The following PCDHGA8 variants were observed in gnomAD, a reference collection of about 807,000 sequenced individuals.
The protein encoded by PCDHGA8 is protocadherin gamma-A8.
In PCDHGA8, 45 loss-of-function variants were observed where a neutral mutation model predicts 59.2. The observed-to-expected ratio is 0.76, with a 90% confidence interval of 0.60 to 0.98. PCDHGA8 has a LOEUF of 0.98. Among genes scored for constraint, PCDHGA8 ranks in the 50% least tolerant of loss-of-function variants. The pLI is 0.00. For missense variants in PCDHGA8, 1,257 were observed against 1,196.2 expected (o/e 1.05, Z -0.75); for synonymous variants, 531 against 519.0 (o/e 1.02, Z -0.32).
At chr5:141,443,029 C>T (rs1281303741) in intron 1 of PCDHGA8, among the ~76,000 whole-genome samples, 3 of 152,192 alleles carry the variant, frequency 2.0e-5, no homozygotes, top group Non-Finnish European at 2.9e-5. Flanking sequence ...AGTTGCCAGA[C>T]CTAAACTTTG....
rs1018384314 is a variant in PCDHGA8 at position 141,490,427 on chromosome 5, A to G, written c.2425-4380A>G. On this transcript the variant is annotated intron_variant, in intron 1 of 3. Coordinates refer to ENST00000398604, the MANE Select transcript of PCDHGA8 (RefSeq NM_032088.2). This position sits in a 1 kb window ranked among gnomAD's most constrained non-coding sequence, Gnocchi z 5.4. ...GATATCTCTCCGGACCTGCCATTTCAGATTAAGCCTTCTGAGAACCACTAC... is the reference window on the plus strand; with the variant it reads ...GATATCTCTCCGGACCTGCCATTTCGGATTAAGCCTTCTGAGAACCACTAC... 6.2e-7 allele frequency: 1 copy of G among 1,614,092 alleles called. No individual in the cohort carries two copies.
intron 1 of PCDHGA8, among the ~76,000 whole-genome samples, chr5:141,454,731 G>T (rs1249851832): frequency 6.7e-6 from 1 of 150,262 alleles, no homozygotes; most frequent in Non-Finnish European, 1.5e-5. Context: ...ATATGTTATA[G>T]GATGAAAAGA....
In PCDHGA8 at chr5:141,482,843, G is replaced by T. The variant is rs1005014887; in HGVS notation, c.2425-11964G>T. On this transcript the variant is annotated intron_variant, in intron 1 of 3. Transcript: ENST00000398604. ...TCCTAGCACTTTGGGAGGCCAAGGT[G>T]GGCAGATCACTTGAGGTCAGGAGTT... Among the ~76,000 whole-genome samples the T allele has an allele frequency of 4.3e-5, 6 of 140,152 alleles. No homozygotes were observed. The South Asian group carries it at 8.6e-4, about 20-fold the overall frequency. 91.9% of individuals were successfully genotyped at this position (140,152 alleles called of 152,430 possible).
Position 141,394,918 on chromosome 5 carries a change from G to A in PCDHGA8, c.2105G>A (p.Cys702Tyr). 6.2e-7 allele frequency: 1 copy of A among 1,613,812 alleles called. No individual in the cohort carries two copies. The highest frequency in any genetic ancestry group is 8.5e-7 in the Non-Finnish European group (1 of 1,179,898). ...YLVVAVAAISCVFLAFVAVLL... is the reference protein window; with the variant it reads ...YLVVAVAAISYVFLAFVAVLL... ...GTGGTGGCAGTGGCTGCCATCTCCT[G>A]TGTCTTCCTCGCCTTTGTCGCTGTG... The change falls in exon 1 of 4, where the codon TGT (cysteine) becomes TAT (tyrosine). Residue 702 changes from cysteine (C) to tyrosine (Y), a missense_variant. Physicochemically the swap from Cys to Tyr is radical, Grantham distance 194. Transcript: ENST00000398604.
intron 1 of PCDHGA8, chr5:141,418,010 G>A: frequency 6.2e-7 from 1 of 1,613,914 alleles, no homozygotes; most frequent in African/African-American, 1.3e-5. Flanking sequence ...GGGGAACCTC[G>A]CTAAGGATCT....
intron 1 of PCDHGA8, chr5:141,409,193 T>C (rs1268258873): frequency 2.5e-6 from 4 of 1,613,870 alleles, no homozygotes; most frequent in Admixed American, 1.7e-5. Flanking sequence ...CTCTACCCAG[T>C]GTAAAGTAAT....
rs371709954 is a variant in PCDHGA8 at position 141,394,275 on chromosome 5, A to G, written c.1462A>G (p.Thr488Ala). 21 of 1,613,792 alleles carry G rather than the reference A, an allele frequency of 1.3e-5. No individual in the cohort carries two copies. Among genetic ancestry groups the G allele is most frequent in the Non-Finnish European group, 1.6e-5 (19 of 1,179,882 alleles). Residue 488 changes from threonine (T) to alanine (A), a missense_variant, in exon 1 of 4, where the codon ACT becomes GCT. Coordinates refer to ENST00000398604, the MANE Select transcript of PCDHGA8 (RefSeq NM_032088.2). ...CGACAGCCAGGAGAATGCCCAGGTC[A>G]CTTACTCTGTGACCGAGGACACGCT... ...DPDSQENAQV[T>A]YSVTEDTLQG...
chr5:141,485,357 C>T lies in PCDHGA8; in HGVS notation c.2425-9450C>T. ...GCTGGATACGGACAGTCTGTCAGCT[C>T]GCAGGCTGCAGGTCGCTGGAGAGGT... On this transcript the variant is annotated intron_variant, in intron 1 of 3. Transcript: ENST00000398604. The surrounding 1 kb of genome is among the most constrained non-coding windows in gnomAD (Gnocchi z 5.7). 1.2e-6 allele frequency: 2 copies of T among 1,614,084 alleles called. No individual in the cohort carries two copies. The highest frequency in any genetic ancestry group is 1.1e-5 in the South Asian group (1 of 91,070).
intron 1 of PCDHGA8, chr5:141,398,682 A>G (rs767093587): frequency 1.4e-5 from 23 of 1,613,842 alleles, no homozygotes; most frequent in Non-Finnish European, 1.9e-5. Flanking sequence ...TTAAGGAGAA[A>G]CAGGATGGTA....
chr5:141,443,367 C>T (rs1305408862), intron 1 of PCDHGA8, among the ~76,000 whole-genome samples: 1 of 151,712 alleles, frequency 6.6e-6, no homozygotes, highest in African/African-American at 2.4e-5. Flanking sequence ...TGCCTGTGGT[C>T]TCAGCTACTT....
At chr5:141,500,618 C>A (rs554274946) in intron 2 of PCDHGA8, among the ~76,000 whole-genome samples, 27 of 152,260 alleles carry the variant, frequency 1.8e-4, no homozygotes, top group African/African-American at 6.5e-4. Context: ...CCCAGTCATA[C>A]GGTACATTTC....
At position 141,410,315 on chromosome 5, in the gene PCDHGA8, C is replaced by G. The variant is rs781293010; in HGVS notation, c.2424+15078C>G. 3 of 1,614,040 alleles carry G rather than the reference C, an allele frequency of 1.9e-6. No homozygotes were observed. In the East Asian group the frequency reaches 6.7e-5, roughly 36 times the overall value. On this transcript the variant is annotated intron_variant, in intron 1 of 3. Coordinates refer to ENST00000398604, the MANE Select transcript of PCDHGA8 (RefSeq NM_032088.2). ...GGCCTTAATCTCAGTGCTCTTCCTCCTCGCCGTGATTCTGGCCATTGCCTT... is the reference window on the plus strand; with the variant it reads ...GGCCTTAATCTCAGTGCTCTTCCTCGTCGCCGTGATTCTGGCCATTGCCTT...
chr5:141,470,538 A>G (rs2099232733), intron 1 of PCDHGA8, among the ~76,000 whole-genome samples: 1 of 152,140 alleles, frequency 6.6e-6, no homozygotes, highest in African/African-American at 2.4e-5. Context: ...GTATCAGGTA[A>G]TATTTATTGA....
intron 1 of PCDHGA8, chr5:141,440,130 A>G (rs1222064545): frequency 6.6e-6 from 1 of 152,282 alleles, no homozygotes; most frequent in African/African-American, 2.4e-5. Context: ...TGAATGGATC[A>G]GGAGCAGATA....
At chr5:141,422,849 C>T in intron 1 of PCDHGA8, 1 of 1,614,238 alleles carries the variant, frequency 6.2e-7, no homozygotes, top group Non-Finnish European at 8.5e-7. Context: ...AGCGGGGACC[C>T]GCCCCTCAGC....
intron 1 of PCDHGA8, chr5:141,408,127 G>A (rs1017651550): frequency 2.0e-6 from 3 of 1,480,258 alleles, no homozygotes; most frequent in African/African-American, 2.8e-5. Context: ...GTCCTGGGCC[G>A]AATGCTCTTT....
Position 141,511,579 on chromosome 5 carries a change from G to T in PCDHGA8, c.*406G>T. The T allele has an allele frequency of 3.6e-6, 1 of 280,798 alleles. No individual in the cohort carries two copies. Among genetic ancestry groups the T allele is most frequent in the South Asian group, 4.1e-5 (1 of 24,614 alleles). 17.4% of individuals were successfully genotyped at this position (280,798 alleles called of 1,614,324 possible). On this transcript the variant is annotated 3_prime_UTR_variant, in exon 4 of 4. Transcript: ENST00000398604. Reference sequence around the variant, plus strand: ...CCTCTTTCCCGAGTAAGGTGGTTGGGGTGTTGAAGTACCAAGTAACCTACA... The same window carrying T: ...CCTCTTTCCCGAGTAAGGTGGTTGGTGTGTTGAAGTACCAAGTAACCTACA...
intron 1 of PCDHGA8, among the ~76,000 whole-genome samples, chr5:141,447,805 G>A (rs1389870133): frequency 2.0e-5 from 3 of 152,064 alleles, no homozygotes; most frequent in Admixed American, 2.0e-4. Context: ...AATAAAATTG[G>A]CTGGGCGTGG....
At position 141,486,785 on chromosome 5, in the gene PCDHGA8, C is replaced by T. The variant is rs763174232; in HGVS notation, c.2425-8022C>T. 1.2e-5 allele frequency: 20 copies of T among 1,614,102 alleles called. No homozygotes were observed. The highest frequency in any genetic ancestry group is 5.3e-5 in the African/African-American group (4 of 74,936). On this transcript the variant is annotated intron_variant, in intron 1 of 3. Transcript: ENST00000398604. This position sits in a 1 kb window ranked among gnomAD's most constrained non-coding sequence, Gnocchi z 5.0. ...GACACTGCAGTTTGAGGTGCAGGCC[C>T]GGGATCGGGGCAACCCACCCCTTAG...
Sources: allele counts gnomAD v4.1 joint callset (sites outside exome capture counted in the v4.1 genomes callset), GRCh38; gene constraint gnomAD v4.1.1; non-coding constraint Gnocchi (gnomAD v3.1); transcripts MANE v1.5; gene names NCBI Gene and HGNC (gene_info 2026-07-23, HGNC 2026-07-21).